SCRIB: variants seen among roughly 807,000 people sequenced by gnomAD.
The protein encoded by SCRIB is scribble planar cell polarity protein, also known as protein scribble homolog.
Under a neutral mutation model 170.0 loss-of-function variants are expected in SCRIB, and 72 were observed. The ratio of observed to expected loss-of-function variants is 0.42; its 90% confidence interval spans 0.35 to 0.52. SCRIB has a LOEUF of 0.52. Ranked by LOEUF, SCRIB falls within the 20% of genes least tolerant of loss-of-function variation. The pLI is 0.02. For missense variants in SCRIB, 2,475 were observed against 2,338.5 expected (o/e 1.06, Z -1.20); for synonymous variants, 1,298 against 1,044.3 (o/e 1.24, Z -4.68).
chr8:143,800,035 C>A (rs1442837497), intron 24 of SCRIB, among the ~76,000 whole-genome samples: 1 of 128,168 alleles, frequency 7.8e-6, no homozygotes, highest in Admixed American at 7.9e-5. Flanking sequence ...GAAGCCCCCC[C>A]CCCACCCCAC....
Position 143,815,629 on chromosome 8 carries a change from G to A in SCRIB, c.-257C>T, listed in dbSNP as rs1816061182. ...AGGAAGCGCGGGGAGCGGCGGCGGC[G>A]GCGGCTCCGCATCCCGCTTGGTCCT... On this transcript the variant is annotated 5_prime_UTR_variant, in exon 1 of 37. Transcript: ENST00000356994. 1 of 982,654 alleles carries A rather than the reference G, an allele frequency of 1.0e-6. No individual in the cohort carries two copies. Among genetic ancestry groups the A allele is most frequent in the Non-Finnish European group, 1.2e-6 (1 of 828,710 alleles). The allele number at this position is 982,654 out of a possible 1,614,324, so 60.9% of individuals were successfully genotyped here.
intron 24 of SCRIB, among the ~76,000 whole-genome samples, chr8:143,802,330 G>C (rs1554635130): frequency 6.6e-6 from 1 of 152,248 alleles, no homozygotes; most frequent in Non-Finnish European, 1.5e-5. Flanking sequence ...CTCTGTGACT[G>C]TCAGCCTGGC....
chr8:143,811,206 A>G lies in SCRIB; in HGVS notation c.1046T>C (p.Val349Ala). The G allele has an allele frequency of 6.2e-7, 1 of 1,611,504 alleles. No homozygotes were observed. The highest frequency in any genetic ancestry group is 1.7e-4 in the Middle Eastern group (1 of 6,060). The change falls in exon 10 of 37, where the codon GTC (valine) becomes GCC (alanine). Residue 349 changes from valine (V) to alanine (A), a missense_variant. Transcript: ENST00000356994. The part of the protein sequence containing the change: ...VLSLRDNRLA[V>A]LPPELAHTTE... ...CGTGTGGGCCAGCTCTGGTGGCAGG[A>G]CGGCCAGGCGGTTGTCCCTCAAGGA...
chr8:143,805,555 G>A, intron 18 of SCRIB, 120 bp from the exon 19 acceptor site: 7 of 1,039,358 alleles, frequency 6.7e-6, no homozygotes, highest in Non-Finnish European at 9.2e-6. Flanking sequence ...GAGGGGAAAG[G>A]CCCCAGGCGC....
chr8:143,807,475 G>C (rs1429609630), intron 16 of SCRIB, 77 bp downstream of exon 16: 1 of 1,156,348 alleles, frequency 8.6e-7, no homozygotes, highest in East Asian at 2.3e-5. Context: ...AACAGGGGCG[G>C]GGAGAGGCGT....
At chr8:143,811,610 AT>A (rs1257248761) in intron 9 of SCRIB, among the ~76,000 whole-genome samples, 1 of 151,896 alleles carries the variant, frequency 6.6e-6, no homozygotes, top group African/African-American at 2.4e-5. Context: ...ACCCTCTCCC[AT>A]GGGTGCCCTG....
intron 24 of SCRIB, among the ~76,000 whole-genome samples, chr8:143,799,260 C>T (rs534483470): frequency 6.6e-6 from 1 of 152,342 alleles, no homozygotes; most frequent in African/African-American, 2.4e-5. Flanking sequence ...GAGGGAAAGA[C>T]TGAAGGATTC....
intron 24 of SCRIB, among the ~76,000 whole-genome samples, chr8:143,801,157 A>C (rs1815156882): frequency 6.6e-6 from 1 of 152,230 alleles, no homozygotes; most frequent in Non-Finnish European, 1.5e-5. Context: ...ATGAGGCCAC[A>C]TTTCCCCCAA....
At chr8:143,800,974 T>C (rs943036938) in intron 24 of SCRIB, among the ~76,000 whole-genome samples, 15 of 151,924 alleles carry the variant, frequency 9.9e-5, no homozygotes, top group African/African-American at 2.9e-4. Context: ...ACATTGACAA[T>C]AGAAACTTTT....
In SCRIB at chr8:143,804,637, C is replaced by G. The variant is rs782115764; in HGVS notation, c.2940G>C (p.Gly980=). ...ATTSITTATP[G]VPGLPSLAPS... is the part of the protein sequence containing the mutation. ...GGGCCAGGCTCGGCAACCCAGGCAC[C>G]CCGGGGGTGGCAGTGGTTATGCTGG... is the stretch of plus-strand genomic sequence containing the variant. Residue 980 remains glycine (G), a synonymous_variant, in exon 21 of 37, where the codon GGG becomes GGC. Coordinates refer to ENST00000356994, the MANE Select transcript of SCRIB (RefSeq NM_182706.5). 3.8e-5 allele frequency: 58 copies of G among 1,537,454 alleles called. No individual in the cohort carries two copies. The highest frequency in any genetic ancestry group is 5.0e-5 in the Non-Finnish European group (57 of 1,141,638).
rs555148335 is a variant in SCRIB, at chr8:143,812,172, C to G, written c.906+94G>C. The G allele has an allele frequency of 4.6e-6, 4 of 860,528 alleles. No individual in the cohort carries two copies. In the Admixed American group the frequency reaches 5.1e-5, roughly 11 times the overall value. The allele number at this position is 860,528 out of a possible 1,614,324, so 53.3% of individuals were successfully genotyped here. ...GAGTGGCTCCACGTCAGGCTGCCAC[C>G]AGCACCCCCCAGCAGCAGACACAGG... On this transcript the variant is annotated intron_variant, in intron 9 of 36. Coordinates refer to ENST00000356994, the MANE Select transcript of SCRIB (RefSeq NM_182706.5).
intron 6 of SCRIB, 79 bp downstream of exon 6, chr8:143,813,232 G>A: frequency 6.3e-7 from 1 of 1,597,770 alleles, no homozygotes. Flanking sequence ...CTTGCTGTCG[G>A]ATCTGCTCGC....
At chr8:143,799,524 CGCGGGGTA>C (rs1815083724) in intron 24 of SCRIB, among the ~76,000 whole-genome samples, 3 of 152,156 alleles carry the variant, frequency 2.0e-5, no homozygotes, top group Non-Finnish European at 4.4e-5. Flanking sequence ...ATGCCAAACA[CGCGGGGTA>C]GCGGGCGAGT....
In SCRIB at chr8:143,805,339, G is replaced by A. The variant is rs528960661; in HGVS notation, c.2443C>T (p.Arg815Cys). Residue 815 changes from arginine (R) to cysteine (C), a missense_variant, in exon 19 of 37, where the codon CGC (arginine) becomes TGC (cysteine). Coordinates refer to ENST00000356994, the MANE Select transcript of SCRIB (RefSeq NM_182706.5). ...ACCGCGTTCTCAGGCTCCACCATGC[G>A]CTCCCGCCACACTCGCATCTGCACG... Reference protein sequence around the residue: ...TAVQMRVWRERMVEPENAVTI... With the variant: ...TAVQMRVWRECMVEPENAVTI... 7.8e-6 allele frequency: 12 copies of A among 1,542,080 alleles called. No individual in the cohort carries two copies. Among genetic ancestry groups the A allele is most frequent in the Admixed American group, 3.8e-5 (2 of 52,498 alleles).
At chr8:143,814,619 C>A (rs1815954169) in intron 1 of SCRIB, among the ~76,000 whole-genome samples, 1 of 152,232 alleles carries the variant, frequency 6.6e-6, no homozygotes. Flanking sequence ...ACGGCCAGAA[C>A]AGGGTCACAT....
intron 35 of SCRIB, 108 bp from the exon 36 acceptor site, chr8:143,791,548 G>GA: frequency 6.4e-7 from 1 of 1,569,840 alleles, no homozygotes; most frequent in Non-Finnish European, 8.7e-7. Flanking sequence ...GCTGAAGGGG[G>GA]AGGGGGGGTG....
At position 143,806,565 on chromosome 8, in the gene SCRIB, G is replaced by A. The variant is rs551997154; in HGVS notation, c.2269-81C>T. ...TCCTTCTGCAGAAGACCCAGGAGGG[G>A]AAGACCCACTCCCAGCAGCCCCTAG... On this transcript the variant is annotated intron_variant, in intron 17 of 36. Transcript: ENST00000356994. 6.0e-6 allele frequency: 7 copies of A among 1,176,200 alleles called. No individual in the cohort carries two copies. The South Asian group carries it at 6.6e-5, about 11-fold the overall frequency. The allele number at this position is 1,176,200 out of a possible 1,614,324, so 72.9% of individuals were successfully genotyped here.
intron 24 of SCRIB, among the ~76,000 whole-genome samples, chr8:143,801,683 G>A (rs1253925769): frequency 6.6e-5 from 10 of 152,184 alleles, no homozygotes; most frequent in South Asian, 4.1e-4. Flanking sequence ...GCGAGCCCCC[G>A]GGAAGACGGA....
At chr8:143,791,348 C>G (rs782154485) in intron 36 of SCRIB, 40 bp from the exon 37 acceptor site, 4 of 1,596,256 alleles carry the variant, frequency 2.5e-6, no homozygotes, top group Non-Finnish European at 3.4e-6. Context: ...CTGAGGGCAG[C>G]TGGGCTCCTG....
Sources: allele counts gnomAD v4.1 joint callset (sites outside exome capture counted in the v4.1 genomes callset), GRCh38; gene constraint gnomAD v4.1.1; transcripts MANE v1.5; gene names NCBI Gene and HGNC (gene_info 2026-07-23, HGNC 2026-07-21).